The following LDLRAD3 variants were observed in gnomAD, a reference collection of about 807,000 sequenced individuals.
The protein encoded by LDLRAD3 is low-density lipoprotein receptor class A domain-containing protein 3.
Under a neutral mutation model 29.4 loss-of-function variants are expected in LDLRAD3, and 20 were observed. The ratio of observed to expected loss-of-function variants is 0.68; its 90% CI spans 0.48 to 0.99. LDLRAD3 has a LOEUF of 0.99. LDLRAD3 is among the 50% of genes least tolerant of loss of function. The pLI, the probability that LDLRAD3 is intolerant of heterozygous loss-of-function variation, is 0.00. For missense variants in LDLRAD3, 420 were observed against 454.3 expected (o/e 0.92, Z 0.69); for synonymous variants, 157 against 192.7 (o/e 0.81, Z 1.53).
rs1157541318 is a variant in LDLRAD3, at chr11:36,124,340, A to AGCATGT, written c.454+25879_454+25880insGCATGT. On this transcript the variant is annotated intron_variant, in intron 4 of 5. Transcript: ENST00000315571. ...CCAAGTATCATGGAAGCAATATACTATATGCCAGGCACTAGCATAGGTAGC... is the reference window on the plus strand; with the variant it reads ...CCAAGTATCATGGAAGCAATATACTAGCATGTTATGCCAGGCACTAGCATAGGTAGC... Among the ~76,000 whole-genome samples, 3 of 152,328 alleles carry AGCATGT rather than the reference A, an allele frequency of 2.0e-5. No homozygotes were observed. In the South Asian group the frequency reaches 6.2e-4, roughly 32 times the overall value.
chr11:36,111,544 C>A (rs1223081332), intron 4 of LDLRAD3, among the ~76,000 whole-genome samples: 1 of 151,906 alleles, frequency 6.6e-6, no homozygotes, highest in African/African-American at 2.4e-5. Flanking sequence ...TTTCTTGTTT[C>A]CACCTTGTTT....
chr11:36,088,784 C>T (rs1203458429), intron 3 of LDLRAD3, among the ~76,000 whole-genome samples: 1 of 152,188 alleles, frequency 6.6e-6, no homozygotes, highest in Non-Finnish European at 1.5e-5. Context: ...GACTGGTTTC[C>T]TTTGGAAATC....
At chr11:35,953,626 G>A (rs1268559369) in intron 1 of LDLRAD3, among the ~76,000 whole-genome samples, 1 of 152,096 alleles carries the variant, frequency 6.6e-6, no homozygotes, top group Admixed American at 6.6e-5. Context: ...TGAAAAATGA[G>A]CCCTAGTCAC....
In LDLRAD3 at chr11:35,958,312, A is replaced by G. The variant is rs558015762; in HGVS notation, c.46+14168A>G. ...CATTTCTGTCATTGAGGAAAGTTCTAATGGACAGTGTTACTGTAGAATAAT... is the reference window on the plus strand; with the variant it reads ...CATTTCTGTCATTGAGGAAAGTTCTGATGGACAGTGTTACTGTAGAATAAT... On this transcript the variant is annotated intron_variant, in intron 1 of 5. Coordinates refer to ENST00000315571, the MANE Select transcript of LDLRAD3 (RefSeq NM_174902.4). Among the ~76,000 whole-genome samples the G allele has an allele frequency of 3.9e-5, 6 of 152,346 alleles. No individual in the cohort carries two copies. In the South Asian group the frequency reaches 8.3e-4, roughly 21 times the overall value.
At chr11:36,048,697 G>C (rs1852487777) in intron 2 of LDLRAD3, among the ~76,000 whole-genome samples, 1 of 152,092 alleles carries the variant, frequency 6.6e-6, no homozygotes, top group Non-Finnish European at 1.5e-5. Context: ...TCCTATTCTG[G>C]TGGTGATAGG....
intron 4 of LDLRAD3, among the ~76,000 whole-genome samples, chr11:36,163,948 T>A (rs1003846155): frequency 6.6e-6 from 1 of 152,238 alleles, no homozygotes; most frequent in African/African-American, 2.4e-5. Context: ...GCTGAGTGGC[T>A]TCAGTTTTCA....
intron 4 of LDLRAD3, among the ~76,000 whole-genome samples, chr11:36,143,006 A>G (rs1854109183): frequency 6.6e-6 from 1 of 152,256 alleles, no homozygotes; most frequent in African/African-American, 2.4e-5. Context: ...TCATTAATAT[A>G]CATAACAAAC....
intron 4 of LDLRAD3, among the ~76,000 whole-genome samples, chr11:36,129,157 C>T (rs775026312): frequency 4.0e-5 from 6 of 150,416 alleles, no homozygotes; most frequent in Admixed American, 2.6e-4. Context: ...AGAAATGTCC[C>T]GGTCATTGTG....
chr11:36,084,210 C>T (rs1211917033), intron 3 of LDLRAD3, among the ~76,000 whole-genome samples: 8 of 152,204 alleles, frequency 5.3e-5, no homozygotes, highest in Non-Finnish European at 1.2e-4. Context: ...TAGGCATGAG[C>T]CACCATGCCT....
intron 4 of LDLRAD3, among the ~76,000 whole-genome samples, chr11:36,156,154 T>C (rs1468688454): frequency 6.6e-6 from 1 of 152,182 alleles, no homozygotes; most frequent in Admixed American, 6.5e-5. Context: ...AAGAACGTAC[T>C]GAGTGGAAAT....
intron 1 of LDLRAD3, among the ~76,000 whole-genome samples, chr11:35,995,270 A>T (rs1851739770): frequency 6.6e-6 from 1 of 152,258 alleles, no homozygotes; most frequent in Admixed American, 6.5e-5. Flanking sequence ...AGCAGGCATT[A>T]AAAATCATTA....
At chr11:36,051,624 G>A (rs1294574249) in intron 2 of LDLRAD3, among the ~76,000 whole-genome samples, 1 of 152,078 alleles carries the variant, frequency 6.6e-6, no homozygotes, top group Non-Finnish European at 1.5e-5. Flanking sequence ...GGTAAAAAAG[G>A]TTGTAAACGC....
chr11:35,982,542 A>G (rs186228890), intron 1 of LDLRAD3, among the ~76,000 whole-genome samples: 10 of 152,302 alleles, frequency 6.6e-5, no homozygotes, highest in African/African-American at 2.2e-4. Context: ...ATTTCAACCC[A>G]TAACTAATAT....
intron 4 of LDLRAD3, among the ~76,000 whole-genome samples, chr11:36,158,516 T>C (rs1854387618): frequency 6.9e-6 from 1 of 144,130 alleles, no homozygotes; most frequent in South Asian, 2.3e-4. Context: ...CCACTTACCA[T>C]GTTCTGGGCT....
intron 2 of LDLRAD3, among the ~76,000 whole-genome samples, chr11:36,046,206 C>T (rs1395283142): frequency 1.3e-5 from 2 of 152,084 alleles, no homozygotes; most frequent in African/African-American, 4.8e-5. Flanking sequence ...CTTTATCCAG[C>T]CTGATCTGAT....
At chr11:36,200,858 C>T (rs11602141) in intron 4 of LDLRAD3, among the ~76,000 whole-genome samples, 9,604 of 152,218 alleles carry the variant, frequency 0.063, 413 homozygotes, top group East Asian at 0.17. Context: ...TTAAATGAAA[C>T]TCTTGCTTAT....
intron 4 of LDLRAD3, among the ~76,000 whole-genome samples, chr11:36,113,028 A>G (rs4756280): frequency 3.1e-4 from 47 of 152,312 alleles, no homozygotes; most frequent in Non-Finnish European, 5.7e-4. Context: ...ACCTCTGACA[A>G]ATAGGAAGGA....
chr11:36,013,301 T>C (rs970636904), intron 1 of LDLRAD3, among the ~76,000 whole-genome samples: 6 of 152,200 alleles, frequency 3.9e-5, no homozygotes, highest in Non-Finnish European at 7.3e-5. Flanking sequence ...TCTTCTTCTT[T>C]TTTTTTACTT....
At chr11:36,209,208 G>A (rs1158815985) in intron 4 of LDLRAD3, among the ~76,000 whole-genome samples, 1 of 152,180 alleles carries the variant, frequency 6.6e-6, no homozygotes, top group Non-Finnish European at 1.5e-5. Flanking sequence ...TCAATGCCAT[G>A]TGGGATCCTG....
Sources: gnomAD v4.1 joint callset for allele counts (sites outside exome capture counted in the v4.1 genomes callset) on GRCh38, gnomAD v4.1.1 for gene constraint, MANE v1.5 for transcripts, NCBI Gene and HGNC (gene_info 2026-07-23, HGNC 2026-07-21) for gene names.